Variants in IL1RAPL1 observed in about 807,000 individuals in gnomAD.
IL1RAPL1 encodes interleukin-1 receptor accessory protein-like 1.
IL1RAPL1 carries 3 observed loss-of-function variants against 48.4 expected under a neutral mutation model. The ratio of observed to expected loss-of-function variants is 0.06; its 90% CI spans 0.03 to 0.16. IL1RAPL1 has a LOEUF of 0.16. Ranked by LOEUF, IL1RAPL1 falls within the 10% of genes least tolerant of loss-of-function variation. The pLI, the probability that IL1RAPL1 is intolerant of heterozygous loss-of-function variation, is 1.00. For synonymous variants in IL1RAPL1, 185 were observed against 187.7 expected (o/e 0.99, Z 0.12); for missense variants, 349 against 530.6 (o/e 0.66, Z 3.36).
At chrX:29,178,502 G>A (rs1930075596) in intron 2 of IL1RAPL1, among the ~76,000 whole-genome samples, 1 of 111,744 alleles carries the variant, frequency 8.9e-6, no homozygotes, top group African/African-American at 3.3e-5. Context: ...TTAGCCCTTT[G>A]TCAGATAGGT....
chrX:29,041,595 A>G (rs1021882033), intron 2 of IL1RAPL1, among the ~76,000 whole-genome samples: 4 of 112,453 alleles, frequency 3.6e-5, no homozygotes, highest in Non-Finnish European at 7.5e-5. Flanking sequence ...CAGAAACAGT[A>G]TAGACTAGGC....
chrX:29,835,776 G>A (rs1344973757), intron 6 of IL1RAPL1, among the ~76,000 whole-genome samples: 2 of 109,196 alleles, frequency 1.8e-5, no homozygotes, highest in Non-Finnish European at 3.8e-5. Flanking sequence ...GCTATCCAAC[G>A]CTTTGGTGTA....
chrX:29,309,188 C>T (rs1932670071), intron 3 of IL1RAPL1, among the ~76,000 whole-genome samples: 1 of 111,712 alleles, frequency 9.0e-6, no homozygotes, highest in Non-Finnish European at 1.9e-5. Context: ...ATTGTAATAT[C>T]AGTTAAGACT....
At position 29,420,761 on chromosome X, in the gene IL1RAPL1, T is replaced by G. The variant is rs1934281332; in HGVS notation, c.703+21453T>G. 2.7e-5 allele frequency among the ~76,000 whole-genome samples: 3 copies of G among 112,722 alleles called. No individual in the cohort carries two copies. The Admixed American group carries it at 2.8e-4, about 11-fold the overall frequency. The stretch of plus-strand genomic sequence containing the variant: ...AGAAATATATGCTATTGTAGATAGC[T>G]AAATGTGATTTTAGTCTTTATCACA... On this transcript the variant is annotated intron_variant, in intron 5 of 10. Coordinates refer to ENST00000378993, the MANE Select transcript of IL1RAPL1 (RefSeq NM_014271.4).
At chrX:28,873,601 G>A (rs1301794457) in intron 2 of IL1RAPL1, among the ~76,000 whole-genome samples, 2 of 91,689 alleles carry the variant, frequency 2.2e-5, no homozygotes, top group African/African-American at 8.5e-5. Context: ...GCTCAATCTC[G>A]GCTCACTGCA....
intron 2 of IL1RAPL1, among the ~76,000 whole-genome samples, chrX:28,790,490 C>A (rs995088279): frequency 1.6e-4 from 18 of 112,619 alleles, no homozygotes; most frequent in African/African-American, 5.5e-4. Flanking sequence ...CTCGTGAGCC[C>A]CTCCTGGGGA....
intron 8 of IL1RAPL1, among the ~76,000 whole-genome samples, chrX:29,932,938 T>A (rs1005470899): frequency 8.9e-6 from 1 of 111,936 alleles, no homozygotes; most frequent in Non-Finnish European, 1.9e-5. Context: ...AGAAAATGTA[T>A]GTATTAGTAA....
At chrX:28,719,294 T>C (rs1314365234) in intron 1 of IL1RAPL1, among the ~76,000 whole-genome samples, 1 of 110,948 alleles carries the variant, frequency 9.0e-6, no homozygotes, top group Admixed American at 9.7e-5. Context: ...ATAATAAAAG[T>C]GTAAAGAGCA....
chrX:29,270,676 G>C (rs189983102), intron 2 of IL1RAPL1, among the ~76,000 whole-genome samples: 119 of 111,868 alleles, frequency 1.1e-3, no homozygotes, highest in African/African-American at 3.7e-3. Context: ...TGATTAGTTT[G>C]ATTATGGTAA....
chrX:28,870,829 G>A (rs1173909767), intron 2 of IL1RAPL1, among the ~76,000 whole-genome samples: 1 of 111,010 alleles, frequency 9.0e-6, no homozygotes, highest in Non-Finnish European at 1.9e-5. Context: ...GGAAATCTGG[G>A]GAAAATATTG....
chrX:29,282,791 C>A, intron 2 of IL1RAPL1, 147 bp from the exon 3 acceptor site: 1 of 548,059 alleles, frequency 1.8e-6, no homozygotes, highest in Non-Finnish European at 3.0e-6. Flanking sequence ...CAGTTTGATT[C>A]ATTGCTATGT....
At chrX:29,054,681 T>C (rs897401435) in intron 2 of IL1RAPL1, among the ~76,000 whole-genome samples, 9 of 112,099 alleles carry the variant, frequency 8.0e-5, no homozygotes, top group African/African-American at 2.9e-4. Flanking sequence ...TTAAGTTAAA[T>C]GTTTACACTG....
chrX:29,590,896 G>A (rs1281967267), intron 5 of IL1RAPL1, among the ~76,000 whole-genome samples: 2 of 112,163 alleles, frequency 1.8e-5, no homozygotes, highest in Admixed American at 1.9e-4. Flanking sequence ...AAGTATTCAG[G>A]AATTATGTTT....
chrX:28,728,887 T>C (rs1392847173), intron 1 of IL1RAPL1, among the ~76,000 whole-genome samples: 1 of 111,607 alleles, frequency 9.0e-6, no homozygotes, highest in Non-Finnish European at 1.9e-5. Context: ...CTTGTAGATA[T>C]TATGGCTATT....
intron 2 of IL1RAPL1, among the ~76,000 whole-genome samples, chrX:29,058,470 T>C (rs1927273987): frequency 1.8e-5 from 2 of 112,348 alleles, no homozygotes; most frequent in African/African-American, 6.5e-5. Flanking sequence ...GAATACATTA[T>C]GAATTGCAGT....
At chrX:28,929,804 T>G (rs2147342362) in intron 2 of IL1RAPL1, among the ~76,000 whole-genome samples, 1 of 112,632 alleles carries the variant, frequency 8.9e-6, no homozygotes, top group South Asian at 3.6e-4. Context: ...CTTTTGTTAT[T>G]ACTGTGTTTT....
At chrX:29,479,433 T>TAAAAAAAAAAAAAAAAAAA (rs1159235640) in intron 5 of IL1RAPL1, among the ~76,000 whole-genome samples, 1 of 58,604 alleles carries the variant, frequency 1.7e-5, no homozygotes, top group East Asian at 7.1e-4. Flanking sequence ...AAAAAAAAAT[T>TAAAAAAAAAAAAAAAAAAA]AGCATTGTAA....
At chrX:29,456,211 G>A (rs759939341) in intron 5 of IL1RAPL1, among the ~76,000 whole-genome samples, 2 of 112,183 alleles carry the variant, frequency 1.8e-5, no homozygotes, top group African/African-American at 3.2e-5. Context: ...TTTGTTGCAC[G>A]TTTTTGAAGT....
At chrX:29,727,968 C>G (rs1927818534) in intron 6 of IL1RAPL1, among the ~76,000 whole-genome samples, 1 of 110,953 alleles carries the variant, frequency 9.0e-6, no homozygotes, top group Non-Finnish European at 1.9e-5. Context: ...GATGGAGTCT[C>G]GCTCTGTTGC....
Sources: allele counts gnomAD v4.1 joint callset (sites outside exome capture counted in the v4.1 genomes callset), GRCh38; gene constraint gnomAD v4.1.1; transcripts MANE v1.5; gene names NCBI Gene and HGNC (gene_info 2026-07-23, HGNC 2026-07-21).